Variants in RBFOX1 observed in about 807,000 individuals in gnomAD.
RBFOX1 encodes the protein RNA binding fox-1 homolog 1.
In RBFOX1, 8 loss-of-function variants were observed where a neutral mutation model predicts 57.7. The ratio of observed to expected loss-of-function variants is 0.14; its 90% CI spans 0.08 to 0.25. The LOEUF is 0.25. Ranked by LOEUF, RBFOX1 falls within the 10% of genes least tolerant of loss-of-function variation. The pLI is 1.00. For synonymous variants in RBFOX1, 326 were observed against 222.4 expected (o/e 1.47, Z -4.15); for missense variants, 611 against 548.5 (o/e 1.11, Z -1.14).
At chr16:5,937,241 A>T (rs1480308033) in intron 4 of RBFOX1, among the ~76,000 whole-genome samples, 1 of 152,156 alleles carries the variant, frequency 6.6e-6, no homozygotes, top group African/African-American at 2.4e-5. Context: ...AGCTTTTCCT[A>T]TAGTGTGTGG....
intron 2 of RBFOX1, among the ~76,000 whole-genome samples, chr16:6,344,558 C>T (rs544993069): frequency 2.6e-5 from 4 of 151,232 alleles, no homozygotes; most frequent in Non-Finnish European, 4.4e-5. Flanking sequence ...CCACTGCGCC[C>T]GGCTAATTTT....
chr16:6,675,200 G>A (rs75277593), intron 3 of RBFOX1, among the ~76,000 whole-genome samples: 2,532 of 152,194 alleles, frequency 0.017, 118 homozygotes, highest in East Asian at 0.11. Flanking sequence ...CACTGCGCCC[G>A]GCCCATTTCT....
At chr16:7,578,891 A>C (rs890574925) in intron 5 of RBFOX1, among the ~76,000 whole-genome samples, 1 of 152,162 alleles carries the variant, frequency 6.6e-6, no homozygotes, top group African/African-American at 2.4e-5. Flanking sequence ...TTCCTGCCAA[A>C]TATGTGGGTG....
chr16:5,628,270 C>T (rs976631230), intron 3 of RBFOX1, among the ~76,000 whole-genome samples: 2 of 152,174 alleles, frequency 1.3e-5, no homozygotes, highest in South Asian at 2.1e-4. Context: ...GTCTCTTCTA[C>T]CATGCAAATG....
chr16:6,152,943 C>A (rs1224571230), intron 1 of RBFOX1, among the ~76,000 whole-genome samples: 2 of 151,954 alleles, frequency 1.3e-5, no homozygotes, highest in Admixed American at 6.6e-5. Context: ...CTCAGTGCCA[C>A]CCATGTTGCA....
chr16:5,430,612 CAGTT>C (rs560592017), intron 1 of RBFOX1, among the ~76,000 whole-genome samples: 35 of 152,256 alleles, frequency 2.3e-4, no homozygotes, highest in Admixed American at 6.5e-4. Flanking sequence ...TGCAGAGTAT[CAGTT>C]AGGTTGACTC....
chr16:7,572,421 A>G (rs1026206718), intron 5 of RBFOX1, among the ~76,000 whole-genome samples: 21 of 152,182 alleles, frequency 1.4e-4, no homozygotes, highest in African/African-American at 5.1e-4. Flanking sequence ...TTTGCCTCCC[A>G]GGAGACATTT....
At chr16:5,349,036 A>C (rs997511363) in intron 1 of RBFOX1, among the ~76,000 whole-genome samples, 3 of 152,158 alleles carry the variant, frequency 2.0e-5, no homozygotes, top group African/African-American at 4.8e-5. Context: ...ATCCCATCCA[A>C]AATGTGCAGG....
chr16:5,757,650 A>G (rs2053448273), intron 3 of RBFOX1, among the ~76,000 whole-genome samples: 1 of 152,170 alleles, frequency 6.6e-6, no homozygotes, highest in South Asian at 2.1e-4. Flanking sequence ...CCAGGAGGAA[A>G]TGAGTTTTGT....
chr16:5,736,032 G>A (rs1426721343), intron 3 of RBFOX1, among the ~76,000 whole-genome samples: 2 of 152,278 alleles, frequency 1.3e-5, no homozygotes, highest in East Asian at 1.9e-4. Context: ...GAGGAACAAA[G>A]ACGGTGACAT....
intron 4 of RBFOX1, among the ~76,000 whole-genome samples, chr16:6,001,113 C>T (rs1236129969): frequency 6.6e-6 from 1 of 152,150 alleles, no homozygotes; most frequent in African/African-American, 2.4e-5. Context: ...ATCTTAGCCT[C>T]TGCCCACTTC....
At chr16:6,653,501 G>T (rs1016076374) in intron 2 of RBFOX1, among the ~76,000 whole-genome samples, 2 of 152,136 alleles carry the variant, frequency 1.3e-5, no homozygotes, top group African/African-American at 4.8e-5. Context: ...TAATTAATGA[G>T]TTCCCTGAGG....
At chr16:7,132,508 A>T (rs1281650148) in intron 4 of RBFOX1, among the ~76,000 whole-genome samples, 2 of 151,732 alleles carry the variant, frequency 1.3e-5, no homozygotes, top group African/African-American at 4.8e-5. Context: ...ATAACATAAG[A>T]CAAATGTATT....
chr16:6,361,275 G>T (rs2088453355), intron 2 of RBFOX1, among the ~76,000 whole-genome samples: 1 of 152,088 alleles, frequency 6.6e-6, no homozygotes, highest in African/African-American at 2.4e-5. Flanking sequence ...GGCAAATTTG[G>T]GGAAAAGATG....
intron 3 of RBFOX1, among the ~76,000 whole-genome samples, chr16:6,734,344 T>G (rs1473872219): frequency 6.6e-6 from 1 of 152,204 alleles, no homozygotes; most frequent in African/African-American, 2.4e-5. Flanking sequence ...TGGGCTCAGT[T>G]TTGAATTCAC....
intron 10 of RBFOX1, among the ~76,000 whole-genome samples, chr16:7,627,202 AG>A (rs2060216215): frequency 6.8e-6 from 1 of 147,490 alleles, no homozygotes; most frequent in African/African-American, 2.6e-5. Flanking sequence ...AAAAAAAAAA[AG>A]TCAATTTGAA....
At chr16:6,796,680 AC>A (rs2084131368) in intron 3 of RBFOX1, among the ~76,000 whole-genome samples, 3 of 152,172 alleles carry the variant, frequency 2.0e-5, no homozygotes, top group Non-Finnish European at 4.4e-5. Flanking sequence ...TACAGATGTT[AC>A]CAATTGGTAA....
chr16:5,579,921 G>A (rs763221916), intron 2 of RBFOX1, among the ~76,000 whole-genome samples: 5 of 151,862 alleles, frequency 3.3e-5, no homozygotes, highest in East Asian at 1.9e-4. Context: ...CACCACGCCC[G>A]GCTAATTTTT....
At chr16:6,142,810 G>C (rs1371121830) in intron 1 of RBFOX1, among the ~76,000 whole-genome samples, 1 of 152,026 alleles carries the variant, frequency 6.6e-6, no homozygotes, top group African/African-American at 2.4e-5. Flanking sequence ...ATCTCCTCCT[G>C]TCCATCTCCT....
Sources: gnomAD v4.1 joint callset for allele counts (sites outside exome capture counted in the v4.1 genomes callset) on GRCh38, gnomAD v4.1.1 for gene constraint, MANE v1.5 for transcripts, NCBI Gene and HGNC (gene_info 2026-07-23, HGNC 2026-07-21) for gene names.